UNC13B: variants seen among roughly 807,000 people sequenced by gnomAD.
The protein encoded by UNC13B is unc-13 homolog B, also known as protein unc-13 homolog B.
A neutral mutation model predicts 211.0 loss-of-function variants in UNC13B; 144 were observed. The observed-to-expected ratio is 0.68, with a 90% CI of 0.60 to 0.78. The LOEUF (loss-of-function observed/expected upper bound fraction) is 0.78. Among genes scored for constraint, UNC13B ranks in the 30% least tolerant of loss-of-function variants. The probability of loss-of-function intolerance (pLI) is 0.00; values close to 1 mark genes in which losing one functional copy is unlikely to be tolerated. For synonymous variants in UNC13B, 709 were observed against 725.8 expected (o/e 0.98, Z 0.37); for missense variants, 1,777 against 2,002.0 (o/e 0.89, Z 2.14).
In UNC13B at chr9:35,370,527, C is replaced by T. The variant is rs1014893778; in HGVS notation, c.9540+131C>T. ...TGATCTGATGATCAATCATTTAAAG[C>T]CTTCGGAGACTTAGCAGTGGCTTCA... On this transcript the variant is annotated intron_variant, in intron 13 of 39. Transcript: ENST00000635942. 3.8e-6 allele frequency: 3 copies of T among 789,992 alleles called. No homozygotes were observed. In the African/African-American group the frequency reaches 5.2e-5, roughly 14 times the overall value. 48.9% of individuals were successfully genotyped at this position (789,992 alleles called of 1,614,324 possible).
chr9:35,308,000 G>T lies in UNC13B; in HGVS notation c.8596G>T (p.Val2866Phe), dbSNP rs1247057665. The change falls in exon 9 of 40, where the codon GTT (valine) becomes TTT (phenylalanine). Residue 2866 changes from valine (V) to phenylalanine (F), a missense_variant. Transcript: ENST00000635942. ...MPTESSPPVLVTSSDQDLNSS... is the reference protein window; with the variant it reads ...MPTESSPPVLFTSSDQDLNSS... ...TACAGAATCCTCCCCTCCAGTTTTA[G>T]TTACTAGCAGTGATCAGGACCTTAA... 2.5e-6 allele frequency: 1 copy of T among 398,948 alleles called. No homozygotes were observed. Among genetic ancestry groups the T allele is most frequent in the African/African-American group, 2.1e-5 (1 of 48,628 alleles). The allele number at this position is 398,948 out of a possible 1,614,324, so 24.7% of individuals were successfully genotyped here.
intron 11 of UNC13B, among the ~76,000 whole-genome samples, chr9:35,338,611 C>T (rs1204766906): frequency 6.6e-6 from 1 of 152,166 alleles, no homozygotes; most frequent in Non-Finnish European, 1.5e-5. Flanking sequence ...TAAATCCCAG[C>T]TGTGTGACTA....
intron 11 of UNC13B, among the ~76,000 whole-genome samples, chr9:35,347,111 A>G (rs2132042075): frequency 6.6e-6 from 1 of 151,832 alleles, no homozygotes; most frequent in South Asian, 2.1e-4. Flanking sequence ...CCTTGCCCAT[A>G]CTGGTCTCTA....
intron 22 of UNC13B, 139 bp from the exon 23 acceptor site, chr9:35,385,585 T>A (rs538651448): frequency 2.1e-6 from 3 of 1,412,640 alleles, no homozygotes; most frequent in South Asian, 3.4e-5. Context: ...GACCTGTAAC[T>A]TTACAGTGTT....
intron 6 of UNC13B, among the ~76,000 whole-genome samples, chr9:35,251,835 C>CT (rs1450041682): frequency 6.6e-6 from 1 of 152,100 alleles, no homozygotes; most frequent in Non-Finnish European, 1.5e-5. Flanking sequence ...TGTCATGTCT[C>CT]TTAAATCATT....
intron 2 of UNC13B, among the ~76,000 whole-genome samples, chr9:35,229,043 A>G (rs1825046056): frequency 6.6e-6 from 1 of 152,162 alleles, no homozygotes; most frequent in Admixed American, 6.6e-5. Context: ...ATATACCGAG[A>G]CCAAAAGTTT....
At chr9:35,291,763 T>C (rs1228373473) in intron 7 of UNC13B, among the ~76,000 whole-genome samples, 1 of 152,190 alleles carries the variant, frequency 6.6e-6, no homozygotes, top group African/African-American at 2.4e-5. Context: ...GTTACCCATC[T>C]TACAGGATCT....
rs1238829373 is a variant in UNC13B, at chr9:35,305,397, C to T, written c.5993C>T (p.Thr1998Ile). The T allele has an allele frequency of 2.5e-6, 1 of 398,858 alleles. No homozygotes were observed. The highest frequency in any genetic ancestry group is 2.1e-5 in the African/African-American group (1 of 48,622). The allele number at this position is 398,858 out of a possible 1,614,324, so 24.7% of individuals were successfully genotyped here. ...FFKANVSPIQ[T>I]TENTSVSSMT... ...AAAGCCAATGTATCTCCTATACAGACAACTGAAAATACGTCTGTTTCTTCA... is the reference window on the plus strand; with the variant it reads ...AAAGCCAATGTATCTCCTATACAGATAACTGAAAATACGTCTGTTTCTTCA... Residue 1998 changes from threonine (T) to isoleucine (I), a missense_variant, in exon 9 of 40, where the codon ACA (threonine) becomes ATA (isoleucine). Thr to Ile is a moderately conservative substitution (Grantham distance 89). Coordinates refer to ENST00000635942, the MANE Select transcript of UNC13B (RefSeq NM_001371189.2).
intron 11 of UNC13B, among the ~76,000 whole-genome samples, chr9:35,325,316 AT>A (rs1289918296): frequency 8.5e-5 from 13 of 152,144 alleles, no homozygotes; most frequent in Non-Finnish European, 1.9e-4. Flanking sequence ...GTCCATACCC[AT>A]TCTCGCCTAT....
At chr9:35,384,800 A>G in intron 22 of UNC13B, 7 of 911,358 alleles carry the variant, frequency 7.7e-6, no homozygotes, top group Non-Finnish European at 9.2e-6. Flanking sequence ...GGAAATAGGT[A>G]TAGTAGGAGG....
At chr9:35,283,902 T>C (rs961331059) in intron 7 of UNC13B, among the ~76,000 whole-genome samples, 3 of 152,188 alleles carry the variant, frequency 2.0e-5, no homozygotes, top group Admixed American at 6.6e-5. Context: ...AGAGTTTTGC[T>C]GGGTCCTGGG....
chr9:35,232,176 G>GTTTTTTTT (rs1564081816), intron 3 of UNC13B, among the ~76,000 whole-genome samples: 1 of 16,976 alleles, frequency 5.9e-5, no homozygotes, highest in Non-Finnish European at 1.3e-4. Context: ...GTATATTGCT[G>GTTTTTTTT]CTTTTTTTTT....
intron 11 of UNC13B, chr9:35,353,836 G>A: frequency 8.2e-7 from 1 of 1,224,850 alleles, no homozygotes; most frequent in Non-Finnish European, 1.0e-6. Flanking sequence ...ATTTAACAGG[G>A]TCCCAGCTGG....
chr9:35,301,555 G>A lies in UNC13B; in HGVS notation c.2151G>A (p.Thr717=), dbSNP rs1033796603. 16 of 398,688 alleles carry A rather than the reference G, an allele frequency of 4.0e-5. No individual in the cohort carries two copies. The highest frequency in any genetic ancestry group is 2.1e-4 in the African/African-American group (10 of 48,598). The allele number at this position is 398,688 out of a possible 1,614,324, so 24.7% of individuals were successfully genotyped here. A position where few individuals can be genotyped will look rare whatever the true frequency, so the allele number is the denominator to read the frequency against. ...TAAATGGGAGTGATGAAGAAACTAC[G>A]GGCTGGTTCCAGATGCCCACAAGTG... The part of the protein sequence containing the change: ...IALNGSDEET[T]GWFQMPTSEN... The change falls in exon 9 of 40, where the codon ACG becomes ACA. Residue 717 remains threonine (T), a synonymous_variant. Transcript: ENST00000635942.
chr9:35,387,422 A>G (rs1587749287), intron 24 of UNC13B, among the ~76,000 whole-genome samples: 1 of 152,128 alleles, frequency 6.6e-6, no homozygotes, highest in Non-Finnish European at 1.5e-5. Context: ...TGTGCCAGCC[A>G]TGTATTTAAG....
rs1431099974 is a variant in UNC13B, at chr9:35,310,724, C to T, written c.9266C>T (p.Thr3089Ile). 3 of 1,613,856 alleles carry T rather than the reference C, an allele frequency of 1.9e-6. No homozygotes were observed. The highest frequency in any genetic ancestry group is 2.5e-6 in the Non-Finnish European group (3 of 1,179,998). Reference sequence around the variant, plus strand: ...AAGGAGATGAAAGAAGATGCCACAACCCACCCTCCCCCAGATCTGGTGCTG... The same window carrying T: ...AAGGAGATGAAAGAAGATGCCACAATCCACCCTCCCCCAGATCTGGTGCTG... ...EPKEMKEDAT[T>I]HPPPDLVLQK... Residue 3089 changes from threonine to isoleucine, a missense_variant, in exon 10 of 40, where the codon ACC becomes ATC. By Grantham distance (89) the Thr-to-Ile change is moderately conservative (BLOSUM62 -1). Transcript: ENST00000635942.
chr9:35,166,005 A>C (rs752627604), intron 1 of UNC13B, among the ~76,000 whole-genome samples: 22 of 152,154 alleles, frequency 1.4e-4, no homozygotes, highest in Non-Finnish European at 2.6e-4. Flanking sequence ...ATTTCTCTGT[A>C]ATTCCCAGTG....
rs1490758581 is a variant in UNC13B at position 35,247,330 on chromosome 9, T to C, written c.468+3966T>C. On this transcript the variant is annotated intron_variant, in intron 6 of 39. Coordinates refer to ENST00000635942, the MANE Select transcript of UNC13B (RefSeq NM_001371189.2). ...ACAATTTGATTTCCTCTTTTTCTAATTGAATACCCTTTATTTCTTTGTCCT... is the reference window on the plus strand; with the variant it reads ...ACAATTTGATTTCCTCTTTTTCTAACTGAATACCCTTTATTTCTTTGTCCT... 2.0e-5 allele frequency among the ~76,000 whole-genome samples: 3 copies of C among 152,234 alleles called. No homozygotes were observed. In the South Asian group the frequency reaches 6.2e-4, roughly 32 times the overall value.
chr9:35,210,783 C>T (rs1442089996), intron 1 of UNC13B, among the ~76,000 whole-genome samples: 1 of 152,218 alleles, frequency 6.6e-6, no homozygotes, highest in Non-Finnish European at 1.5e-5. Context: ...ACCGTCCTCC[C>T]AAAGTGCTGG....
Sources: gnomAD v4.1 joint callset for allele counts (sites outside exome capture counted in the v4.1 genomes callset) on GRCh38, gnomAD v4.1.1 for gene constraint, MANE v1.5 for transcripts, NCBI Gene and HGNC (gene_info 2026-07-23, HGNC 2026-07-21) for gene names.